GSDMA: variants seen among roughly 807,000 people sequenced by gnomAD.
GSDMA encodes the protein gasdermin-A.
In GSDMA, 55 loss-of-function variants were observed where a neutral mutation model predicts 54.3. The observed-to-expected ratio is 1.01, with a 90% confidence interval of 0.82 to 1.27. The LOEUF is 1.27. GSDMA is among the 50% of genes most tolerant of loss of function. The pLI is 0.00. For missense variants in GSDMA, 542 were observed against 542.6 expected (o/e 1.00, Z 0.01); for synonymous variants, 211 against 224.7 (o/e 0.94, Z 0.54).
At chr17:39,966,815 A>G (rs1979691388) in intron 3 of GSDMA, among the ~76,000 whole-genome samples, 1 of 152,186 alleles carries the variant, frequency 6.6e-6, no homozygotes, top group East Asian at 1.9e-4. Flanking sequence ...AGACTATGCA[A>G]TACACTAGAA....
At chr17:39,972,222 C>A (rs1568130736) in intron 6 of GSDMA, 46 bp downstream of exon 6, 1 of 1,272,984 alleles carries the variant, frequency 7.9e-7, no homozygotes. Flanking sequence ...CGCCCTACCC[C>A]TGACATTATC....
intron 3 of GSDMA, among the ~76,000 whole-genome samples, chr17:39,968,339 C>CTTTTGTTTTTTTTTT (rs1979766785): frequency 2.4e-5 from 1 of 41,358 alleles, no homozygotes; most frequent in African/African-American, 1.6e-4. Flanking sequence ...TGAGCCCGGT[C>CTTTTGTTTTTTTTTT]TTTTTTTTTT....
intron 8 of GSDMA, among the ~76,000 whole-genome samples, 166 bp downstream of exon 8, chr17:39,973,996 C>A (rs1980078701): frequency 6.6e-6 from 1 of 152,132 alleles, no homozygotes; most frequent in Admixed American, 6.6e-5. Flanking sequence ...CAAGTGTGTA[C>A]TGATATGGGA....
At position 39,975,958 on chromosome 17, in the gene GSDMA, A is replaced by G; in HGVS notation, c.1056A>G (p.Lys352=). The G allele has an allele frequency of 6.2e-7, 1 of 1,601,006 alleles. No individual in the cohort carries two copies. Among genetic ancestry groups the G allele is most frequent in the East Asian group, 2.2e-5 (1 of 44,506 alleles). ...LSEAQQKLLV[K]SMEKKILPVQ... is the part of the protein sequence containing the mutation. ...AAGCCCAACAGAAGCTGCTGGTGAAATCCATGGAGAAAAAGATCCTACCCG... is the reference window on the plus strand; with the variant it reads ...AAGCCCAACAGAAGCTGCTGGTGAAGTCCATGGAGAAAAAGATCCTACCCG... The change falls in exon 11 of 12, where the codon AAA becomes AAG. Residue 352 remains lysine (K), a synonymous_variant. Coordinates refer to ENST00000301659, the MANE Select transcript of GSDMA (RefSeq NM_178171.5).
In GSDMA at chr17:39,977,747, A is replaced by G. The variant is rs1311637281; in HGVS notation, c.*689A>G. On this transcript the variant is annotated 3_prime_UTR_variant, in exon 12 of 12. Coordinates refer to ENST00000301659, the MANE Select transcript of GSDMA (RefSeq NM_178171.5). ...ACAAGCTTTACTGGAATTAATGGAA[A>G]ATATTATGTCAATCTTAGGAATGAT... The G allele has an allele frequency of 1.3e-5, 2 of 152,356 alleles. No homozygotes were observed. The highest frequency in any genetic ancestry group is 4.8e-5 in the African/African-American group (2 of 41,462). The allele number at this position is 152,356 out of a possible 1,614,324, so 9.4% of individuals were successfully genotyped here. A position where few individuals can be genotyped will look rare whatever the true frequency, so the allele number is the denominator to read the frequency against.
intron 5 of GSDMA, 99 bp from the exon 6 acceptor site, chr17:39,972,030 G>C: frequency 1.3e-6 from 1 of 769,000 alleles, no homozygotes; most frequent in South Asian, 1.6e-5. Flanking sequence ...GGGGTGCAAG[G>C]TCCTAGCCCT....
At chr17:39,971,862 A>C (rs1381778180) in intron 5 of GSDMA, among the ~76,000 whole-genome samples, 1 of 152,222 alleles carries the variant, frequency 6.6e-6, no homozygotes, top group Non-Finnish European at 1.5e-5. Flanking sequence ...ATGAACATGC[A>C]CTGCCTCTGC....
intron 7 of GSDMA, 25 bp from the exon 8 acceptor site, chr17:39,973,785 C>CTTTTTTTTTTT: frequency 1.4e-6 from 2 of 1,455,094 alleles, no homozygotes; most frequent in African/African-American, 1.4e-5. Flanking sequence ...GCATTCTTAT[C>CTTTTTTTTTTT]TTTTTTTTTT....
intron 11 of GSDMA, 52 bp from the exon 12 acceptor site, chr17:39,976,764 G>A: frequency 6.2e-7 from 1 of 1,604,014 alleles, no homozygotes; most frequent in South Asian, 1.1e-5. Context: ...TGAGTTAGGA[G>A]AGGAGAGAGG....
At chr17:39,973,024 T>A (rs1218177902) in intron 7 of GSDMA, among the ~76,000 whole-genome samples, 1 of 151,978 alleles carries the variant, frequency 6.6e-6, no homozygotes, top group Non-Finnish European at 1.5e-5. Context: ...CAGGCTGGAG[T>A]GTAGTGGCGC....
chr17:39,975,320 G>A (rs1980156080), intron 10 of GSDMA, among the ~76,000 whole-genome samples: 1 of 151,938 alleles, frequency 6.6e-6, no homozygotes. Flanking sequence ...GTGGTGGCAG[G>A]TGCCTGTAAT....
intron 4 of GSDMA, 55 bp from the exon 5 acceptor site, chr17:39,971,469 A>G (rs1037686161): frequency 7.0e-7 from 1 of 1,432,064 alleles, no homozygotes. Flanking sequence ...CACGCTCCCA[A>G]TATCTCATAC....
chr17:39,963,697 C>T (rs1295030801), intron 1 of GSDMA, among the ~76,000 whole-genome samples: 2 of 152,010 alleles, frequency 1.3e-5, no homozygotes, highest in African/African-American at 2.4e-5. Flanking sequence ...CTACTAAAAA[C>T]ACAAAAATTA....
At chr17:39,965,939 A>T (rs1224672886) in intron 2 of GSDMA, 38 bp downstream of exon 2, 9 of 1,532,798 alleles carry the variant, frequency 5.9e-6, no homozygotes, top group Middle Eastern at 2.0e-4. Context: ...AGGGATACTG[A>T]GGGACAGGGG....
Position 39,973,760 on chromosome 17 carries a change from C to A in GSDMA, c.731-50C>A, listed in dbSNP as rs550037700. ...GTGTCTCAACCCCTGGGTATGGCTG[C>A]CATTCTGAAGGATTGCATTCTTATC... On this transcript the variant is annotated intron_variant, in intron 7 of 11. Coordinates refer to ENST00000301659, the MANE Select transcript of GSDMA (RefSeq NM_178171.5). 22 of 1,524,358 alleles carry A rather than the reference C, an allele frequency of 1.4e-5. No homozygotes were observed. The South Asian group carries it at 1.7e-4, about 12-fold the overall frequency. The allele number at this position is 1,524,358 out of a possible 1,614,324, so 94.4% of individuals were successfully genotyped here.
chr17:39,971,074 AT>A (rs1364328085), intron 4 of GSDMA, among the ~76,000 whole-genome samples: 1 of 152,206 alleles, frequency 6.6e-6, no homozygotes, highest in African/African-American at 2.4e-5. Flanking sequence ...ACCTCTATCT[AT>A]TGCATCTAAA....
At chr17:39,965,568 C>G in intron 1 of GSDMA, 115 bp from the exon 2 acceptor site, 1 of 702,868 alleles carries the variant, frequency 1.4e-6, no homozygotes, top group South Asian at 1.7e-5. Context: ...TCTCTAAGAG[C>G]TCCTCCTGCC....
chr17:39,972,531 A>G, intron 6 of GSDMA, 56 bp from the exon 7 acceptor site: 1 of 1,572,424 alleles, frequency 6.4e-7, no homozygotes, highest in Non-Finnish European at 8.7e-7. Flanking sequence ...ACTGTTTTAG[A>G]TGAAAAGGCA....
intron 3 of GSDMA, among the ~76,000 whole-genome samples, chr17:39,968,591 G>A (rs377423754): frequency 5.3e-5 from 8 of 151,802 alleles, no homozygotes; most frequent in Admixed American, 6.6e-5. Flanking sequence ...CAGGTGATCC[G>A]CCTACCTCGG....
Sources: allele counts gnomAD v4.1 joint callset (sites outside exome capture counted in the v4.1 genomes callset), GRCh38; gene constraint gnomAD v4.1.1; transcripts MANE v1.5; gene names NCBI Gene and HGNC (gene_info 2026-07-23, HGNC 2026-07-21).